GABRE: variants seen among roughly 807,000 people sequenced by gnomAD.
The protein encoded by GABRE is gamma-aminobutyric acid type A receptor subunit epsilon, also known as gamma-aminobutyric acid receptor subunit epsilon.
GABRE carries 20 observed loss-of-function variants against 31.0 expected under a neutral mutation model. The ratio of observed to expected loss-of-function variants is 0.64; its 90% CI spans 0.45 to 0.94. The LOEUF is 0.94. Ranked by LOEUF, GABRE falls within the 40% of genes least tolerant of loss-of-function variation. The probability of loss-of-function intolerance (pLI) is 0.00; values close to 1 mark genes in which losing one functional copy is unlikely to be tolerated. For missense variants in GABRE, 420 were observed against 410.7 expected (o/e 1.02, Z -0.20); for synonymous variants, 155 against 150.6 (o/e 1.03, Z -0.21).
rs749826110 is a variant in GABRE at position 151,954,898 on chromosome X, A to G, written c.1324T>C (p.Ser442Pro). Residue 442 changes from serine (S) to proline (P), a missense_variant, in exon 9 of 9, where the codon TCC (serine) becomes CCC (proline). By Grantham distance (74) the Ser-to-Pro change is moderately conservative (BLOSUM62 -1). Coordinates refer to ENST00000370328, the MANE Select transcript of GABRE (RefSeq NM_004961.4). ...CACCACTCACAGCAGGCCAGCTTGG[A>G]GCAGAGGCTGCGGGGACCCTCAGGG... ...GSPEGPRSLC[S>P]KLACCEWCKR... 1.7e-6 allele frequency: 2 copies of G among 1,209,497 alleles called. No individual in the cohort carries two copies. Among genetic ancestry groups the G allele is most frequent in the South Asian group, 1.8e-5 (1 of 56,631 alleles).
At chrX:151,972,164 T>C (rs888953005) in intron 1 of GABRE, 30 of 750,781 alleles carry the variant, frequency 4.0e-5, no homozygotes, top group Non-Finnish European at 4.7e-5. Context: ...GCAAAATGCA[T>C]TTTTTCTGCA....
intron 1 of GABRE, chrX:151,972,401 GA>G: frequency 1.1e-5 from 8 of 753,810 alleles, no homozygotes; most frequent in Non-Finnish European, 1.3e-5. Context: ...AAGAGAGGAG[GA>G]AAAATGGAGC....
In GABRE at chrX:151,962,470, G is replaced by A. The variant is rs1370375676; in HGVS notation, c.516C>T (p.Asn172=). The A allele has an allele frequency of 8.3e-7, 1 of 1,211,273 alleles. No homozygotes were observed. Among genetic ancestry groups the A allele is most frequent in the Non-Finnish European group, 1.1e-6 (1 of 895,315 alleles). The change falls in exon 4 of 9, where the codon AAC becomes AAT. Residue 172 remains asparagine (N), a synonymous_variant. Transcript: ENST00000370328. ...RTHEHEITMP[N]QMVRIYKDGK... ...CATCCTTGTAGATGCGGACCATCTG[G>A]TTGGGCATGGTGATCTCATGCTCGT...
intron 6 of GABRE, chrX:151,957,001 C>A (rs1365305709): frequency 8.6e-6 from 1 of 115,716 alleles, no homozygotes; most frequent in Admixed American, 8.8e-5. Context: ...ATTGCAGTTG[C>A]AATACTGTAA....
In GABRE at chrX:151,954,631, A is replaced by C; in HGVS notation, c.*70T>G. The stretch of plus-strand genomic sequence containing the variant: ...CTGCTGCTGCTGCTGCTTTCCCCCA[A>C]CTCCCTTGGCAAGGGGCTTGGACCT... On this transcript the variant is annotated 3_prime_UTR_variant, in exon 9 of 9. Transcript: ENST00000370328. The C allele has an allele frequency of 1.2e-6, 1 of 846,631 alleles. No homozygotes were observed. The allele number at this position is 846,631 out of a possible 1,213,427, so 69.8% of individuals were successfully genotyped here.
At chrX:151,972,229 C>T (rs1934728965) in intron 1 of GABRE, 1 of 751,505 alleles carries the variant, frequency 1.3e-6, no homozygotes, top group South Asian at 6.9e-5. Context: ...CAAATCCACA[C>T]CATTTCTCAT....
rs761572030 is a variant in GABRE, at chrX:151,964,928, G to A, written c.343-2285C>T. 3.0e-4 allele frequency among the ~76,000 whole-genome samples: 34 copies of A among 111,614 alleles called. No individual in the cohort carries two copies. The East Asian group carries it at 7.9e-3, about 26-fold the overall frequency. On this transcript the variant is annotated intron_variant, in intron 3 of 8. Coordinates refer to ENST00000370328, the MANE Select transcript of GABRE (RefSeq NM_004961.4). Reference sequence around the variant, plus strand: ...AGGTTTTACAGCCTTCTGGGAGGGCGGATCACGAAGTCAGGAGTTGAAGAC... The same window carrying A: ...AGGTTTTACAGCCTTCTGGGAGGGCAGATCACGAAGTCAGGAGTTGAAGAC...
rs765650821 is a variant in GABRE at position 151,972,406 on chromosome X, A to T, written c.57-2004T>A. The T allele has an allele frequency of 1.5e-5, 11 of 751,900 alleles. No individual in the cohort carries two copies. In the African/African-American group the frequency reaches 2.6e-4, roughly 18 times the overall value. 62.0% of individuals were successfully genotyped at this position (751,900 alleles called of 1,213,427 possible). On this transcript the variant is annotated intron_variant, in intron 1 of 8. Transcript: ENST00000370328. ...TGACTATGGGAAGAGAGGAGGAAAA[A>T]TGGAGCCCTGAGACCCTGTAAAATG...
At chrX:151,969,849 T>C in intron 2 of GABRE, 113 bp from the exon 3 acceptor site, 1 of 1,113,799 alleles carries the variant, frequency 9.0e-7, no homozygotes, top group African/African-American at 1.8e-5. Flanking sequence ...GACCACACAG[T>C]TTCAGCATCT....
chrX:151,964,850 G>C (rs916074605), intron 3 of GABRE, among the ~76,000 whole-genome samples: 2 of 111,935 alleles, frequency 1.8e-5, no homozygotes, highest in Non-Finnish European at 3.8e-5. Flanking sequence ...TTTAAGGTTT[G>C]TGTGTCACCA....
chrX:151,972,719 A>G, intron 1 of GABRE: 4 of 712,536 alleles, frequency 5.6e-6, no homozygotes, highest in Non-Finnish European at 6.6e-6. Flanking sequence ...TGCCAGTTAA[A>G]AAAAAAAAAC....
At chrX:151,973,174 G>C (rs1247130254) in intron 1 of GABRE, among the ~76,000 whole-genome samples, 1 of 110,971 alleles carries the variant, frequency 9.0e-6, no homozygotes, top group Non-Finnish European at 1.9e-5. Context: ...GGTTCAGTGT[G>C]GCCCAGTACA....
intron 6 of GABRE, chrX:151,959,492 C>G (rs778283185): frequency 1.5e-5 from 5 of 340,322 alleles, no homozygotes; most frequent in Non-Finnish European, 2.9e-5. Context: ...AGAACTCACA[C>G]GAGCTCCATT....
intron 3 of GABRE, among the ~76,000 whole-genome samples, chrX:151,966,352 T>C (rs1416470945): frequency 8.9e-6 from 1 of 111,921 alleles, no homozygotes; most frequent in African/African-American, 3.2e-5. Context: ...TGCCTTTTAA[T>C]CTCAGACTGG....
chrX:151,974,422 G>T, intron 1 of GABRE, 148 bp downstream of exon 1: 4 of 370,574 alleles, frequency 1.1e-5, no homozygotes, highest in South Asian at 1.4e-4. Context: ...GAGGGGACGC[G>T]GGACTCGGCC....
chrX:151,955,361 C>T lies in GABRE; in HGVS notation c.1137+7G>A. 1.7e-6 allele frequency: 2 copies of T among 1,211,600 alleles called. No homozygotes were observed. Among genetic ancestry groups the T allele is most frequent in the South Asian group, 1.8e-5 (1 of 56,995 alleles). On this transcript the variant is annotated splice_region_variant and intron_variant, in intron 8 of 8. Coordinates refer to ENST00000370328, the MANE Select transcript of GABRE (RefSeq NM_004961.4). ...GCCTTGCCACCACTCCCATACCCAGCTCATACATGGCGGAGTTTAGGAGAA... is the reference window on the plus strand; with the variant it reads ...GCCTTGCCACCACTCCCATACCCAGTTCATACATGGCGGAGTTTAGGAGAA...
At chrX:151,962,843 G>A (rs767391158) in intron 3 of GABRE, among the ~76,000 whole-genome samples, 200 bp from the exon 4 acceptor site, 2 of 111,604 alleles carry the variant, frequency 1.8e-5, no homozygotes, top group Non-Finnish European at 3.8e-5. Flanking sequence ...AGAACTAGAA[G>A]GGAACTCAGA....
rs996589665 is a variant in GABRE at position 151,962,655 on chromosome X, G to C, written c.343-12C>G. 1.7e-6 allele frequency: 2 copies of C among 1,166,524 alleles called. No individual in the cohort carries two copies. The highest frequency in any genetic ancestry group is 2.2e-5 in the Admixed American group (1 of 45,371). ...TCAATGGTGTATTCCTGGTGGGAAG[G>C]ACAGAAAAGCACATACTTGGGGATG... On this transcript the variant is annotated splice_polypyrimidine_tract_variant and intron_variant, in intron 3 of 8. Coordinates refer to ENST00000370328, the MANE Select transcript of GABRE (RefSeq NM_004961.4).
At chrX:151,974,329 C>G (rs1023516001) in intron 1 of GABRE, among the ~76,000 whole-genome samples, 7 of 111,762 alleles carry the variant, frequency 6.3e-5, no homozygotes, top group Non-Finnish European at 1.3e-4. Context: ...TTCCTTCTGG[C>G]GTCCTGTCTT....
Sources: allele counts gnomAD v4.1 joint callset (sites outside exome capture counted in the v4.1 genomes callset), GRCh38; gene constraint gnomAD v4.1.1; transcripts MANE v1.5; gene names NCBI Gene and HGNC (gene_info 2026-07-23, HGNC 2026-07-21).